The following SNX29 variants were observed in gnomAD, a reference collection of about 807,000 sequenced individuals.
The protein encoded by SNX29 is sorting nexin-29.
A neutral mutation model predicts 102.1 loss-of-function variants in SNX29; 78 were observed. That is an observed-to-expected ratio of 0.76 (90% CI 0.64 to 0.92). The LOEUF (loss-of-function observed/expected upper bound fraction) is 0.92, where lower values mean the gene tolerates loss of function less well. SNX29 is among the 40% of genes least tolerant of loss of function. The pLI, the probability that SNX29 is intolerant of heterozygous loss-of-function variation, is 0.00. For synonymous variants in SNX29, 580 were observed against 414.5 expected, an observed-to-expected ratio of 1.40 and a Z score of -4.85; for missense variants, 1,280 against 1,061.7, an observed-to-expected ratio of 1.21 and a Z score of -2.86.
At chr16:12,535,636 C>G (rs931708885) in intron 20 of SNX29, among the ~76,000 whole-genome samples, 3 of 152,172 alleles carry the variant, frequency 2.0e-5, no homozygotes, top group Admixed American at 6.5e-5. Flanking sequence ...ACATGAAGCA[C>G]TTACAGAGCA....
intron 14 of SNX29, among the ~76,000 whole-genome samples, chr16:12,250,868 C>T (rs375078893): frequency 6.6e-6 from 1 of 152,210 alleles, no homozygotes; most frequent in African/African-American, 2.4e-5. Context: ...CAGAGAGCTC[C>T]AGTCGCCTGA....
chr16:12,483,319 CT>C (rs71139599), intron 19 of SNX29, among the ~76,000 whole-genome samples: 31,136 of 134,584 alleles, frequency 0.23, 3,883 homozygotes, highest in South Asian at 0.37. Context: ...ATTTACTTTT[CT>C]TTTTTTTTTT....
At chr16:12,084,569 G>T (rs1440051153) in intron 11 of SNX29, among the ~76,000 whole-genome samples, 2 of 152,212 alleles carry the variant, frequency 1.3e-5, no homozygotes, top group African/African-American at 4.8e-5. Flanking sequence ...AGCTGTGCCT[G>T]TTGCTCTCGG....
intron 15 of SNX29, among the ~76,000 whole-genome samples, chr16:12,284,920 T>G (rs950321660): frequency 6.6e-6 from 1 of 152,082 alleles, no homozygotes; most frequent in Admixed American, 6.6e-5. Flanking sequence ...GAGATGGGGT[T>G]TCGCCGTGTT....
In SNX29 at chr16:12,079,831, C is replaced by A. The variant is rs184306601; in HGVS notation, c.1402+916C>A. On this transcript the variant is annotated intron_variant, in intron 11 of 20. Coordinates refer to ENST00000566228, the MANE Select transcript of SNX29 (RefSeq NM_032167.5). Reference sequence around the variant, plus strand: ...CCATTTTAGCTCCAGCCATTTCATTCTCATTCCAGGCGGCAGGAAGGAGGA... The same window carrying A: ...CCATTTTAGCTCCAGCCATTTCATTATCATTCCAGGCGGCAGGAAGGAGGA... Among the ~76,000 whole-genome samples the A allele has an allele frequency of 5.3e-4, 80 of 152,302 alleles. 1 individual carries two copies. Among genetic ancestry groups the A allele is most frequent in the African/African-American group, 1.9e-3 (77 of 41,570 alleles).
intron 8 of SNX29, among the ~76,000 whole-genome samples, chr16:12,056,251 A>ATGGG (rs542109643): frequency 1.1e-4 from 17 of 152,136 alleles, no homozygotes; most frequent in Non-Finnish European, 2.1e-4. Flanking sequence ...GTGTAGCCCC[A>ATGGG]TGGGTGAGGC....
chr16:12,034,281 G>A (rs560750413), intron 4 of SNX29, among the ~76,000 whole-genome samples: 58 of 152,304 alleles, frequency 3.8e-4, no homozygotes, highest in African/African-American at 1.3e-3. Flanking sequence ...ATGGTGAGGG[G>A]AAGTCCAGTT....
At chr16:12,395,118 CT>C (rs1456092754) in intron 16 of SNX29, among the ~76,000 whole-genome samples, 1 of 152,098 alleles carries the variant, frequency 6.6e-6, no homozygotes, top group Non-Finnish European at 1.5e-5. Flanking sequence ...TCTGTCTTTC[CT>C]TTTTATTTAA....
rs780187220 is a variant in SNX29, at chr16:12,568,641, C to T, written c.*12C>T. 4 of 1,600,958 alleles carry T rather than the reference C, an allele frequency of 2.5e-6. No homozygotes were observed. Among genetic ancestry groups the T allele is most frequent in the African/African-American group, 2.7e-5 (2 of 74,856 alleles). On this transcript the variant is annotated 3_prime_UTR_variant, in exon 21 of 21. Transcript: ENST00000566228. ...GCGGTGACCTCTGACCTCGACAAAA[C>T]CGCAGCCACGGGCCCTGTGCGTGGC...
chr16:12,400,074 C>T (rs761383609), intron 17 of SNX29, among the ~76,000 whole-genome samples: 2 of 152,200 alleles, frequency 1.3e-5, no homozygotes, highest in Non-Finnish European at 2.9e-5. Flanking sequence ...TCTGCCTGAT[C>T]CAGGCCACAT....
chr16:12,067,637 A>G (rs560557974), intron 9 of SNX29, among the ~76,000 whole-genome samples: 1 of 152,146 alleles, frequency 6.6e-6, no homozygotes, highest in African/African-American at 2.4e-5. Context: ...ACAGGCGTGC[A>G]CTACCTCGCA....
intron 13 of SNX29, among the ~76,000 whole-genome samples, chr16:12,137,957 T>C (rs2054723747): frequency 6.6e-6 from 1 of 152,192 alleles, no homozygotes; most frequent in Non-Finnish European, 1.5e-5. Context: ...TGCTGCCAAC[T>C]CTGGTAGTCG....
intron 20 of SNX29, among the ~76,000 whole-genome samples, chr16:12,562,391 A>G (rs1038564271): frequency 6.6e-6 from 1 of 152,164 alleles, no homozygotes; most frequent in South Asian, 2.1e-4. Flanking sequence ...AGCTCAAGAG[A>G]CAGATCACAT....
intron 16 of SNX29, among the ~76,000 whole-genome samples, chr16:12,385,797 T>C (rs1298224742): frequency 1.3e-5 from 2 of 151,440 alleles, no homozygotes; most frequent in African/African-American, 2.4e-5. Flanking sequence ...TCTGTAGGGT[T>C]TTCCCACATA....
At chr16:12,367,338 C>T (rs1597098464) in intron 16 of SNX29, 1 of 152,382 alleles carries the variant, frequency 6.6e-6, no homozygotes, top group South Asian at 2.1e-4. Context: ...TCTCTGGCAA[C>T]ACTCTGTTCA....
intron 12 of SNX29, among the ~76,000 whole-genome samples, chr16:12,127,919 A>G (rs1034708181): frequency 6.6e-6 from 1 of 152,152 alleles, no homozygotes; most frequent in African/African-American, 2.4e-5. Context: ...TTCTGCAAGC[A>G]TGATTCAACT....
At chr16:12,394,065 GACTTCCTAGGGGC>G (rs1412073856) in intron 16 of SNX29, among the ~76,000 whole-genome samples, 1 of 152,186 alleles carries the variant, frequency 6.6e-6, no homozygotes, top group African/African-American at 2.4e-5. Context: ...AAGGACCTGG[GACTTCCTAGGGGC>G]AAAGCCTCCT....
intron 19 of SNX29, among the ~76,000 whole-genome samples, chr16:12,518,480 T>G (rs2089963279): frequency 6.6e-6 from 1 of 152,168 alleles, no homozygotes; most frequent in Non-Finnish European, 1.5e-5. Context: ...GACCACCTGA[T>G]GGCCACACGC....
intron 18 of SNX29, among the ~76,000 whole-genome samples, chr16:12,425,548 A>T (rs1325882885): frequency 1.4e-4 from 21 of 149,130 alleles, no homozygotes; most frequent in African/African-American, 4.7e-4. Context: ...AAAAAAATAA[A>T]AAAAATAAAA....
Sources: gnomAD v4.1 joint callset for allele counts (sites outside exome capture counted in the v4.1 genomes callset) on GRCh38, gnomAD v4.1.1 for gene constraint, MANE v1.5 for transcripts, NCBI Gene and HGNC (gene_info 2026-07-23, HGNC 2026-07-21) for gene names.